The following SIN3A variants were observed in gnomAD, a reference collection of about 807,000 sequenced individuals.
The protein encoded by SIN3A is SIN3 transcription regulator family member A.
SIN3A carries 14 observed loss-of-function variants against 146.1 expected under a neutral mutation model. The observed-to-expected ratio is 0.10, with a 90% confidence interval of 0.06 to 0.15. The LOEUF is 0.15. Ranked by LOEUF, SIN3A falls within the 10% of genes least tolerant of loss-of-function variation. The pLI, the probability that SIN3A is intolerant of heterozygous loss-of-function variation, is 1.00. For missense variants in SIN3A, 1,028 were observed against 1,576.0 expected, an observed-to-expected ratio of 0.65 and a Z score of 5.89; for synonymous variants, 572 against 572.0, an observed-to-expected ratio of 1.00 and a Z score of 0.00.
At chr15:75,427,088 T>C (rs2141558247) in intron 2 of SIN3A, among the ~76,000 whole-genome samples, 1 of 151,704 alleles carries the variant, frequency 6.6e-6, no homozygotes, top group East Asian at 1.9e-4. Context: ...AAAATCAAAG[T>C]GTGGCAGGGT....
chr15:75,397,603 G>A (rs1354793464), intron 12 of SIN3A, among the ~76,000 whole-genome samples: 2 of 152,142 alleles, frequency 1.3e-5, no homozygotes, highest in South Asian at 4.1e-4. Flanking sequence ...AAACCCATTG[G>A]TTTTACAAGT....
rs2074412972 is a variant in SIN3A, at chr15:75,451,633, G to C, written c.-244C>G. On this transcript the variant is annotated 5_prime_UTR_variant, in exon 1 of 21. Coordinates refer to ENST00000394947, the MANE Select transcript of SIN3A (RefSeq NM_001145358.2). ...GGGAAACTCCGAGGGGGGAAGGGGA[G>C]GGGGGAAGATGGAGAAACCGTCTCC... 1 of 151,442 alleles carries C rather than the reference G, an allele frequency of 6.6e-6. No homozygotes were observed. Among genetic ancestry groups the C allele is most frequent in the Non-Finnish European group, 1.5e-5 (1 of 67,844 alleles). 9.4% of individuals were successfully genotyped at this position (151,442 alleles called of 1,614,324 possible).
intron 1 of SIN3A, among the ~76,000 whole-genome samples, chr15:75,450,186 A>AT (rs2074376985): frequency 6.6e-6 from 1 of 152,162 alleles, no homozygotes. Context: ...TTCTTAAAAA[A>AT]AAAAAACAAA....
intron 2 of SIN3A, among the ~76,000 whole-genome samples, chr15:75,426,636 GA>G (rs1281683615): frequency 6.6e-6 from 1 of 152,130 alleles, no homozygotes; most frequent in Non-Finnish European, 1.5e-5. Flanking sequence ...TGTACAAAAA[GA>G]AAAGCAGAAA....
chr15:75,437,546 G>A (rs1220253754), intron 1 of SIN3A, among the ~76,000 whole-genome samples: 1 of 152,146 alleles, frequency 6.6e-6, no homozygotes, highest in Non-Finnish European at 1.5e-5. Flanking sequence ...AAAAGAGCAA[G>A]AGGTTAAATT....
chr15:75,450,120 A>G (rs537896851), intron 1 of SIN3A, among the ~76,000 whole-genome samples: 1 of 152,248 alleles, frequency 6.6e-6, no homozygotes, highest in South Asian at 2.1e-4. Context: ...TGCACAATGA[A>G]AGCATTCAAA....
intron 6 of SIN3A, among the ~76,000 whole-genome samples, 189 bp downstream of exon 6, chr15:75,411,303 G>A (rs1358209719): frequency 2.6e-5 from 4 of 152,176 alleles, no homozygotes; most frequent in Non-Finnish European, 5.9e-5. Context: ...ACTCCAGCCT[G>A]GGTGACAGTG....
At chr15:75,400,495 G>T (rs8039385) in intron 11 of SIN3A, among the ~76,000 whole-genome samples, 2,059 of 152,210 alleles carry the variant, frequency 0.014, 39 homozygotes, top group African/African-American at 0.047. Flanking sequence ...GATCATTTGA[G>T]CCCAGGAGGT....
chr15:75,396,261 T>G lies in SIN3A; in HGVS notation c.2090A>C (p.Lys697Thr), dbSNP rs768264957. Residue 697 changes from lysine to threonine, a missense_variant, in exon 13 of 21, where the codon AAA becomes ACA. Coordinates refer to ENST00000394947, the MANE Select transcript of SIN3A (RefSeq NM_001145358.2). Reference sequence around the variant, plus strand: ...AAGGGCACATTTGCTCATGTACCTTTTAAGGACAATTGGAACAGCAATGGA... The same window carrying G: ...AAGGGCACATTTGCTCATGTACCTTGTAAGGACAATTGGAACAGCAATGGA... ...NPSIAVPIVL[K>T]RLKMKEEEWR... 9 of 1,611,158 alleles carry G rather than the reference T, an allele frequency of 5.6e-6. No homozygotes were observed. The highest frequency in any genetic ancestry group is 8.5e-7 in the Non-Finnish European group (1 of 1,177,404).
At chr15:75,372,816 T>C (rs1188216191) in intron 20 of SIN3A, among the ~76,000 whole-genome samples, 2 of 101,208 alleles carry the variant, frequency 2.0e-5, no homozygotes, top group African/African-American at 3.6e-5. Flanking sequence ...CCAAACCCTG[T>C]CTCCAAAAAA....
intron 13 of SIN3A, among the ~76,000 whole-genome samples, chr15:75,395,826 G>C (rs1317441042): frequency 6.6e-6 from 1 of 152,148 alleles, no homozygotes; most frequent in Admixed American, 6.5e-5. Flanking sequence ...GATCACCTGA[G>C]CCTGGGAAGT....
chr15:75,428,990 G>T (rs1031416904), intron 2 of SIN3A, among the ~76,000 whole-genome samples: 7 of 151,964 alleles, frequency 4.6e-5, no homozygotes, highest in Non-Finnish European at 7.4e-5. Context: ...GATTTTCTTA[G>T]TATTTTGTTT....
At chr15:75,394,889 C>T (rs1241363281) in intron 13 of SIN3A, 26 bp from the exon 14 acceptor site, 3 of 1,601,306 alleles carry the variant, frequency 1.9e-6, no homozygotes, top group East Asian at 2.2e-5. Flanking sequence ...GGGATGGAAA[C>T]AACACATGGG....
intron 12 of SIN3A, among the ~76,000 whole-genome samples, 198 bp downstream of exon 12, chr15:75,399,842 T>C (rs2073377955): frequency 6.6e-6 from 1 of 152,244 alleles, no homozygotes; most frequent in South Asian, 2.1e-4. Flanking sequence ...CCTAGATAAG[T>C]CACATTTGCC....
intron 12 of SIN3A, among the ~76,000 whole-genome samples, 195 bp downstream of exon 12, chr15:75,399,845 C>T (rs75782768): frequency 0.2 from 30,960 of 152,212 alleles, 3,572 homozygotes; most frequent in Non-Finnish European, 0.26. Context: ...AGATAAGTCA[C>T]ATTTGCCATA....
intron 1 of SIN3A, among the ~76,000 whole-genome samples, chr15:75,430,735 A>G (rs1480857307): frequency 6.6e-6 from 1 of 152,098 alleles, no homozygotes; most frequent in East Asian, 1.9e-4. Flanking sequence ...TATCACTCCT[A>G]ATATTAATTA....
chr15:75,433,068 AAAT>A (rs2074041311), intron 1 of SIN3A, among the ~76,000 whole-genome samples: 1 of 152,172 alleles, frequency 6.6e-6, no homozygotes, highest in Non-Finnish European at 1.5e-5. Flanking sequence ...AAAACTTTAT[AAAT>A]AATAAGCCAA....
rs575911759 is a variant in SIN3A at position 75,410,597 on chromosome 15, C to T, written c.1009-311G>A. 9.9e-5 allele frequency among the ~76,000 whole-genome samples: 15 copies of T among 152,006 alleles called. No individual in the cohort carries two copies. The East Asian group carries it at 2.3e-3, about 24-fold the overall frequency. On this transcript the variant is annotated intron_variant, in intron 6 of 20. Transcript: ENST00000394947. Reference sequence around the variant, plus strand: ...GATTACAGGCGTGAGACACCATGCCCGGCCTAGGGCAATAAATATTAATGC... The same window carrying T: ...GATTACAGGCGTGAGACACCATGCCTGGCCTAGGGCAATAAATATTAATGC...
intron 1 of SIN3A, among the ~76,000 whole-genome samples, chr15:75,445,380 C>CAAAAAAA (rs10539996): frequency 1.6e-5 from 1 of 63,606 alleles, no homozygotes; most frequent in Non-Finnish European, 2.9e-5. Context: ...GACACTGTCT[C>CAAAAAAA]AAAAAAAAAA....
Sources: gnomAD v4.1 joint callset for allele counts (sites outside exome capture counted in the v4.1 genomes callset) on GRCh38, gnomAD v4.1.1 for gene constraint, MANE v1.5 for transcripts, NCBI Gene and HGNC (gene_info 2026-07-23, HGNC 2026-07-21) for gene names.